Variants in RPS18 observed in about 807,000 individuals in gnomAD.
RPS18 encodes ribosomal protein S18, also known as small ribosomal subunit protein uS13.
For missense variants in RPS18, 49 were observed against 200.8 expected (o/e 0.24, Z 4.57); for synonymous variants, 64 against 70.9 (o/e 0.90, Z 0.49).
chr6:33,272,290 G>C, intron 1 of RPS18, 168 bp downstream of exon 1: 1 of 785,734 alleles, frequency 1.3e-6, no homozygotes, highest in South Asian at 1.7e-5. Flanking sequence ...TCCGGAGAGC[G>C]GGCCCGAGGA....
rs911880383 is a variant in RPS18, at chr6:33,272,106, C to T, written c.-14C>T. The T allele has an allele frequency of 4.5e-6, 7 of 1,567,646 alleles. No individual in the cohort carries two copies. In the East Asian group the frequency reaches 7.1e-5, roughly 16 times the overall value. The stretch of plus-strand genomic sequence containing the variant: ...TCCACAGGAGGCCTACACGCCGCCG[C>T]TTGTGCTGCAGCCATGGTAAGACTG... On this transcript the variant is annotated 5_prime_UTR_variant, in exon 1 of 6. Transcript: ENST00000439602.
intron 2 of RPS18, 183 bp from the exon 3 acceptor site, chr6:33,275,595 AGGCGTGAGCCACTGCGACC>A (rs1765575920): frequency 5.0e-6 from 3 of 602,950 alleles, no homozygotes; most frequent in Non-Finnish European, 9.0e-6. Context: ...CTGGGATTAC[AGGCGTGAGCCACTGCGACC>A]GGCCCAAAGT....
At chr6:33,275,912 G>A (rs1765597924) in intron 3 of RPS18, 29 bp downstream of exon 3, 2 of 1,603,802 alleles carry the variant, frequency 1.2e-6, no homozygotes, top group Non-Finnish European at 1.7e-6. Flanking sequence ...GCTGGGGGTG[G>A]GGTCAGCCTC....
In RPS18 at chr6:33,275,951, G is replaced by C; in HGVS notation, c.190-14G>C. 3 of 1,612,878 alleles carry C rather than the reference G, an allele frequency of 1.9e-6. No individual in the cohort carries two copies. Among genetic ancestry groups the C allele is most frequent in the Non-Finnish European group, 1.7e-6 (2 of 1,178,882 alleles). On this transcript the variant is annotated splice_polypyrimidine_tract_variant and intron_variant, in intron 3 of 5. Coordinates refer to ENST00000439602, the MANE Select transcript of RPS18 (RefSeq NM_022551.3). ...AAGGGGTCCATCTAGATCTGACCTTGGTCTGCCTGCCAGGTGGAACGTGTG... is the reference window on the plus strand; with the variant it reads ...AAGGGGTCCATCTAGATCTGACCTTCGTCTGCCTGCCAGGTGGAACGTGTG...
intron 2 of RPS18, chr6:33,275,407 C>A: frequency 4.8e-6 from 1 of 209,228 alleles, no homozygotes; most frequent in Non-Finnish European, 9.8e-6. Flanking sequence ...CAACCTCCAC[C>A]TCCTAGGTTC....
intron 2 of RPS18, 137 bp from the exon 3 acceptor site, chr6:33,275,659 TG>T: frequency 1.4e-6 from 1 of 717,040 alleles, no homozygotes; most frequent in Non-Finnish European, 2.6e-6. Context: ...TCTGGAAAGG[TG>T]GGTGAGGAAA....
Position 33,276,275 on chromosome 6 carries a change from G to GGGGGTCTCATCTCCCT in RPS18, c.383+10_383+25dup, listed in dbSNP as rs774425331. 1.9e-6 allele frequency: 3 copies of GGGGGTCTCATCTCCCT among 1,612,686 alleles called. No homozygotes were observed. The South Asian group carries it at 3.3e-5, about 18-fold the overall frequency. On this transcript the variant is annotated intron_variant, in intron 5 of 5. Coordinates refer to ENST00000439602, the MANE Select transcript of RPS18 (RefSeq NM_022551.3). Reference sequence around the variant, plus strand: ...GCTGCGTCACTTCTGGGGGTGAGTGGGGGGTCTCATCTCCCTGCCTACCTC... The same window carrying GGGGGTCTCATCTCCCT: ...GCTGCGTCACTTCTGGGGGTGAGTGGGGGGTCTCATCTCCCTGGGGTCTCATCTCCCTGCCTACCTC...
chr6:33,276,337 C>A lies in RPS18; in HGVS notation c.384-54C>A. ...CCTCCTACTCGCTCTTCTTTTTCCC[C>A]AACCTTTTGTTTCTGCTGTGCATGA... On this transcript the variant is annotated intron_variant, in intron 5 of 5. Transcript: ENST00000439602. 1.9e-6 allele frequency: 3 copies of A among 1,607,632 alleles called. No individual in the cohort carries two copies. In the South Asian group the frequency reaches 3.3e-5, roughly 18 times the overall value.
rs758141309 is a variant in RPS18, at chr6:33,272,083, C to A, written c.-37C>A. The A allele has an allele frequency of 3.0e-5, 47 of 1,563,050 alleles. No individual in the cohort carries two copies. Among genetic ancestry groups the A allele is most frequent in the African/African-American group, 5.4e-5 (4 of 73,652 alleles). On this transcript the variant is annotated 5_prime_UTR_variant, in exon 1 of 6. Coordinates refer to ENST00000439602, the MANE Select transcript of RPS18 (RefSeq NM_022551.3). ...ATCGCGTCACTTCCGCTCTCTCTTC[C>A]ACAGGAGGCCTACACGCCGCCGCTT...
At chr6:33,273,971 A>G (rs1009638569) in intron 2 of RPS18, among the ~76,000 whole-genome samples, 2 of 152,042 alleles carry the variant, frequency 1.3e-5, no homozygotes, top group Admixed American at 6.5e-5. Context: ...TTATTTATTT[A>G]TCCCGAGACA....
intron 2 of RPS18, among the ~76,000 whole-genome samples, chr6:33,274,145 T>C (rs181311763): frequency 6.6e-6 from 1 of 152,350 alleles, no homozygotes; most frequent in East Asian, 1.9e-4. Flanking sequence ...CTTAAACTTC[T>C]GACCTCAGGT....
chr6:33,276,116 CAG>C, intron 4 of RPS18, 50 bp downstream of exon 4: 3 of 1,605,138 alleles, frequency 1.9e-6, no homozygotes, highest in African/African-American at 1.3e-5. Context: ...AGGGTCCTAA[CAG>C]AATTGGGCAT....
At chr6:33,272,823 A>C (rs374613231) in intron 2 of RPS18, 97 bp downstream of exon 2, 1 of 758,356 alleles carries the variant, frequency 1.3e-6, no homozygotes, top group East Asian at 2.5e-5. Flanking sequence ...CTTGAGTCTC[A>C]TCCAGATCAC....
chr6:33,275,826 G>A lies in RPS18; in HGVS notation c.132G>A (p.Val44=). The A allele has an allele frequency of 6.2e-7, 1 of 1,613,018 alleles. No individual in the cohort carries two copies. Among genetic ancestry groups the A allele is most frequent in the Non-Finnish European group, 8.5e-7 (1 of 1,179,490 alleles). ...TGGGCCGAAGATATGCTCATGTGGT[G>A]TTGAGGAAAGCAGACATTGACCTCA... The part of the protein sequence containing the change: ...KGVGRRYAHV[V]LRKADIDLTK... Residue 44 remains valine, a synonymous_variant, in exon 3 of 6, where the codon GTG becomes GTA. Transcript: ENST00000439602.
intron 2 of RPS18, among the ~76,000 whole-genome samples, chr6:33,273,898 T>A (rs77537293): frequency 6.6e-6 from 1 of 151,416 alleles, no homozygotes; most frequent in African/African-American, 2.4e-5. Context: ...GTCATTTAAT[T>A]AATAAATTTG....
chr6:33,272,112 C>A lies in RPS18; in HGVS notation c.-8C>A. The A allele has an allele frequency of 1.3e-6, 2 of 1,568,218 alleles. No individual in the cohort carries two copies. The highest frequency in any genetic ancestry group is 1.7e-6 in the Non-Finnish European group (2 of 1,156,372). ...GGAGGCCTACACGCCGCCGCTTGTG[C>A]TGCAGCCATGGTAAGACTGGAATCC... On this transcript the variant is annotated 5_prime_UTR_variant, in exon 1 of 6. In the 5' UTR this introduces an upstream ATG that the reference lacks. Transcript: ENST00000439602.
intron 5 of RPS18, 52 bp from the exon 6 acceptor site, chr6:33,276,339 A>G: frequency 6.2e-7 from 1 of 1,607,996 alleles, no homozygotes; most frequent in Non-Finnish European, 8.5e-7. Flanking sequence ...TTTTTCCCCA[A>G]CCTTTTGTTT....
chr6:33,272,203 C>G (rs547981402), intron 1 of RPS18, 81 bp downstream of exon 1: 2 of 1,492,662 alleles, frequency 1.3e-6, no homozygotes, highest in African/African-American at 2.8e-5. Context: ...CTGGAAACGT[C>G]CTGCCCTGAG....
At chr6:33,272,907 A>G (rs1765332086) in intron 2 of RPS18, among the ~76,000 whole-genome samples, 181 bp downstream of exon 2, 1 of 152,206 alleles carries the variant, frequency 6.6e-6, no homozygotes, top group Non-Finnish European at 1.5e-5. Context: ...ACAGAAAATA[A>G]GTGATTAAAG....
Sources: allele counts gnomAD v4.1 joint callset (sites outside exome capture counted in the v4.1 genomes callset), GRCh38; gene constraint gnomAD v4.1.1; transcripts MANE v1.5; gene names NCBI Gene and HGNC (gene_info 2026-07-23, HGNC 2026-07-21).